The following KIAA1958 variants were observed in gnomAD, a reference collection of about 807,000 sequenced individuals.
KIAA1958 encodes the protein KIAA1958, also known as uncharacterized protein KIAA1958.
A neutral mutation model predicts 47.2 loss-of-function variants in KIAA1958; 14 were observed. The observed-to-expected ratio is 0.30, with a 90% CI of 0.20 to 0.46. The LOEUF (loss-of-function observed/expected upper bound fraction) is 0.46. Among genes scored for constraint, KIAA1958 ranks in the 20% least tolerant of loss-of-function variants. The pLI is 1.00. For missense variants in KIAA1958, 803 were observed against 909.2 expected, an observed-to-expected ratio of 0.88 and a Z score of 1.50; for synonymous variants, 354 against 353.3, an observed-to-expected ratio of 1.00 and a Z score of -0.02.
At chr9:112,569,649 T>A (rs1835499451) in intron 1 of KIAA1958, among the ~76,000 whole-genome samples, 2 of 151,982 alleles carry the variant, frequency 1.3e-5, no homozygotes, top group African/African-American at 4.8e-5. Flanking sequence ...GAGACAAGTT[T>A]TGCTCTTGTC....
Position 112,666,682 on chromosome 9 carries a change from T to C in KIAA1958, c.*6613T>C, listed in dbSNP as rs796424451. 4 of 152,316 alleles carry C rather than the reference T, an allele frequency of 2.6e-5. No homozygotes were observed. Among genetic ancestry groups the C allele is most frequent in the African/African-American group, 9.6e-5 (4 of 41,572 alleles). 9.4% of individuals were successfully genotyped at this position (152,316 alleles called of 1,614,324 possible). On this transcript the variant is annotated 3_prime_UTR_variant, in exon 4 of 4. Transcript: ENST00000337530. ...GTAGCTTGGGGCAAAAGTTTCCAAG[T>C]AGCTCAATTCCTGGCTTACTTCATG...
intron 2 of KIAA1958, among the ~76,000 whole-genome samples, chr9:112,635,708 A>G (rs1239787081): frequency 6.6e-6 from 1 of 152,042 alleles, no homozygotes; most frequent in East Asian, 1.9e-4. Context: ...TCTTTTTACT[A>G]TTTGTAGGAT....
intron 2 of KIAA1958, among the ~76,000 whole-genome samples, chr9:112,590,772 G>C (rs1215589342): frequency 3.9e-5 from 6 of 152,194 alleles, no homozygotes; most frequent in African/African-American, 1.4e-4. Flanking sequence ...GAAACATGTA[G>C]TTGGTCCTAG....
intron 2 of KIAA1958, among the ~76,000 whole-genome samples, chr9:112,613,400 A>G (rs933094496): frequency 2.0e-5 from 3 of 152,212 alleles, no homozygotes; most frequent in Non-Finnish European, 4.4e-5. Flanking sequence ...TTTGGAAGAA[A>G]TGGAAAAATC....
chr9:112,632,128 A>G (rs1233744597), intron 2 of KIAA1958, among the ~76,000 whole-genome samples: 1 of 152,152 alleles, frequency 6.6e-6, no homozygotes, highest in Non-Finnish European at 1.5e-5. Context: ...TTTAAGTCCC[A>G]TGGAGCTAAT....
intron 2 of KIAA1958, among the ~76,000 whole-genome samples, chr9:112,595,534 A>G (rs1206434018): frequency 6.6e-6 from 1 of 151,834 alleles, no homozygotes; most frequent in Non-Finnish European, 1.5e-5. Context: ...GGTGGTGCAT[A>G]CCTGTAACCC....
At position 112,574,804 on chromosome 9, in the gene KIAA1958, G is replaced by C; in HGVS notation, c.724G>C (p.Ala242Pro). The change falls in exon 2 of 4, where the codon GCT becomes CCT. Residue 242 changes from alanine to proline, a missense_variant. Ala to Pro is a conservative substitution (Grantham distance 27). Coordinates refer to ENST00000337530, the MANE Select transcript of KIAA1958 (RefSeq NM_133465.4). ...GGCAAAACCCAAGCCTCAGACTCACGCTGGTCCCTCCTGTGTAGGGTCTGC... is the reference window on the plus strand; with the variant it reads ...GGCAAAACCCAAGCCTCAGACTCACCCTGGTCCCTCCTGTGTAGGGTCTGC... ...QMAKPKPQTH[A>P]GPSCVGSAKL... 2 of 1,614,110 alleles carry C rather than the reference G, an allele frequency of 1.2e-6. No homozygotes were observed. The highest frequency in any genetic ancestry group is 1.7e-6 in the Non-Finnish European group (2 of 1,180,008).
rs186773869 is a variant in KIAA1958, at chr9:112,584,269, G to A, written c.1171+9018G>A. Among the ~76,000 whole-genome samples, 1,044 of 152,204 alleles carry A rather than the reference G, an allele frequency of 6.9e-3. 9 individuals carry two copies. The highest frequency in any genetic ancestry group is 0.027 in the Middle Eastern group (8 of 294). On this transcript the variant is annotated intron_variant, in intron 2 of 3. Transcript: ENST00000337530. ...TCTGTAAGATAAAGATGCTAATAAA[G>A]CAATTCTATAGGGTTGATATATATA...
chr9:112,487,530 C>G (rs1470869203), intron 1 of KIAA1958, among the ~76,000 whole-genome samples: 1 of 152,152 alleles, frequency 6.6e-6, no homozygotes, highest in Non-Finnish European at 1.5e-5. Flanking sequence ...GGTCTGTCCT[C>G]TTAGTTTCCA....
intron 2 of KIAA1958, among the ~76,000 whole-genome samples, chr9:112,583,786 G>T (rs1046224917): frequency 2.4e-4 from 37 of 152,274 alleles, no homozygotes; most frequent in African/African-American, 8.4e-4. Context: ...ATTAAACATG[G>T]ACTGGAAGGA....
chr9:112,557,070 C>T (rs534689085), intron 1 of KIAA1958, among the ~76,000 whole-genome samples: 2 of 152,164 alleles, frequency 1.3e-5, no homozygotes, highest in Non-Finnish European at 2.9e-5. Flanking sequence ...GTGATCCTCC[C>T]ACCTCACCCT....
Position 112,574,693 on chromosome 9 carries a change from C to T in KIAA1958, c.613C>T (p.Gln205Ter). The T allele has an allele frequency of 1.2e-6, 2 of 1,614,144 alleles. No individual in the cohort carries two copies. The highest frequency in any genetic ancestry group is 1.7e-6 in the Non-Finnish European group (2 of 1,180,036). The part of the protein sequence containing the change: ...SNDVIIKKIK[Q>*]EIPEDYYIVA... ...TGATGTCATCATCAAGAAAATCAAACAAGAAATCCCCGAAGATTATTACAT... is the reference window on the plus strand; with the variant it reads ...TGATGTCATCATCAAGAAAATCAAATAAGAAATCCCCGAAGATTATTACAT... The change falls in exon 2 of 4, where the codon CAA becomes TAA. Residue 205 changes from glutamine (Q) to a stop codon, truncating the protein, a stop_gained. Coordinates refer to ENST00000337530, the MANE Select transcript of KIAA1958 (RefSeq NM_133465.4). LOFTEE classifies it high-confidence loss of function.
intron 2 of KIAA1958, among the ~76,000 whole-genome samples, chr9:112,587,162 C>CT (rs1274252752): frequency 6.6e-6 from 1 of 151,984 alleles, no homozygotes; most frequent in African/African-American, 2.4e-5. Context: ...TATTAATATT[C>CT]TTTTTTTGAG....
intron 1 of KIAA1958, among the ~76,000 whole-genome samples, chr9:112,498,847 C>T (rs749749476): frequency 2.0e-5 from 3 of 152,104 alleles, no homozygotes; most frequent in Non-Finnish European, 4.4e-5. Flanking sequence ...GAGCTCATTC[C>T]TATCTAGCTG....
intron 1 of KIAA1958, among the ~76,000 whole-genome samples, chr9:112,571,879 C>T (rs1835543838): frequency 7.0e-6 from 1 of 141,926 alleles, no homozygotes. Context: ...AACAAACACA[C>T]AAACCAATCT....
chr9:112,610,183 A>G (rs1182855823), intron 2 of KIAA1958, among the ~76,000 whole-genome samples: 2 of 152,144 alleles, frequency 1.3e-5, no homozygotes, highest in Non-Finnish European at 1.5e-5. Flanking sequence ...AATCATGATG[A>G]CAATAATAGC....
intron 1 of KIAA1958, among the ~76,000 whole-genome samples, chr9:112,545,689 A>G (rs367818208): frequency 8.0e-4 from 121 of 152,134 alleles, no homozygotes; most frequent in African/African-American, 2.8e-3. Flanking sequence ...CATCTGGGAG[A>G]TGAATTGGAA....
chr9:112,501,773 T>C (rs537377696), intron 1 of KIAA1958, among the ~76,000 whole-genome samples: 2 of 152,276 alleles, frequency 1.3e-5, no homozygotes, highest in African/African-American at 4.8e-5. Flanking sequence ...AACTGTTCAT[T>C]AGTGGGTCCA....
At chr9:112,607,275 T>C (rs1215395134) in intron 2 of KIAA1958, among the ~76,000 whole-genome samples, 2 of 151,720 alleles carry the variant, frequency 1.3e-5, no homozygotes, top group Non-Finnish European at 2.9e-5. Flanking sequence ...GAGAATCGCT[T>C]GAACCCAGGA....
Sources: gnomAD v4.1 joint callset for allele counts (sites outside exome capture counted in the v4.1 genomes callset) on GRCh38, gnomAD v4.1.1 for gene constraint, MANE v1.5 for transcripts, NCBI Gene and HGNC (gene_info 2026-07-23, HGNC 2026-07-21) for gene names.